Variants in HIPK3 observed in about 807,000 individuals in gnomAD.
HIPK3 encodes the protein homeodomain-interacting protein kinase 3.
A neutral mutation model predicts 124.2 loss-of-function variants in HIPK3; 47 were observed. The observed-to-expected ratio is 0.38, with a 90% confidence interval of 0.30 to 0.48. The LOEUF is 0.48. HIPK3 is among the 20% of genes least tolerant of loss of function. HIPK3 has a pLI of 0.98. For synonymous variants in HIPK3, 482 were observed against 515.2 expected (o/e 0.94, Z 0.87); for missense variants, 1,286 against 1,454.3 (o/e 0.88, Z 1.88).
In HIPK3 at chr11:33,287,068, G is replaced by T. The variant is rs376935843; in HGVS notation, c.654G>T (p.Gly218=). The change falls in exon 2 of 17, where the codon GGG becomes GGT. Residue 218 remains glycine (G), a synonymous_variant. Transcript: ENST00000303296. The part of the protein sequence containing the change: ...FGQVVKCWKR[G]TNEIVAIKIL... ...AGGTAGTTAAATGCTGGAAAAGAGG[G>T]ACAAATGAAATTGTAGCAATCAAAA... 5.2e-5 allele frequency: 84 copies of T among 1,614,146 alleles called. 1 individual carries two copies. In the South Asian group the frequency reaches 8.1e-4, roughly 16 times the overall value.
At chr11:33,307,101 G>A (rs1782253087) in intron 2 of HIPK3, among the ~76,000 whole-genome samples, 1 of 152,014 alleles carries the variant, frequency 6.6e-6, no homozygotes, top group African/African-American at 2.4e-5. Flanking sequence ...ACCATGCCTG[G>A]CTAATTTTTG....
Position 33,348,873 on chromosome 11 carries a change from C to T in HIPK3, c.2666+55C>T, listed in dbSNP as rs181531823. On this transcript the variant is annotated intron_variant, in intron 13 of 16. Transcript: ENST00000303296. ...ATATAGATGGCATCCTTTGGTGTGC[C>T]GAAAAACAACTTTCTGTGACTTATT... 693 of 1,483,962 alleles carry T rather than the reference C, an allele frequency of 4.7e-4. 5 individuals carry two copies. The highest frequency in any genetic ancestry group is 4.8e-5 in the Non-Finnish European group (52 of 1,093,394). 91.9% of individuals were successfully genotyped at this position (1,483,962 alleles called of 1,614,324 possible). A position where few individuals can be genotyped will look rare whatever the true frequency, so the allele number is the denominator to read the frequency against.
intron 8 of HIPK3, 78 bp from the exon 9 acceptor site, chr11:33,347,215 C>T: frequency 7.4e-7 from 1 of 1,349,758 alleles, no homozygotes; most frequent in Admixed American, 2.3e-5. Context: ...CTAAGCAATT[C>T]TTGACATTTA....
intron 2 of HIPK3, among the ~76,000 whole-genome samples, chr11:33,304,819 AAGCATATGT>A (rs1427864528): frequency 1.3e-5 from 2 of 152,160 alleles, no homozygotes; most frequent in East Asian, 3.9e-4. Context: ...TGTTAGGTCA[AAGCATATGT>A]ACCTTTTGAC....
intron 1 of HIPK3, chr11:33,258,236 G>T: frequency 1.0e-5 from 6 of 573,412 alleles, no homozygotes; most frequent in Non-Finnish European, 1.3e-5. Flanking sequence ...GTTGCGCAAC[G>T]GCTCTTCCCA....
chr11:33,316,882 C>G (rs1852518546), intron 2 of HIPK3, among the ~76,000 whole-genome samples: 1 of 152,140 alleles, frequency 6.6e-6, no homozygotes, highest in Non-Finnish European at 1.5e-5. Context: ...AAATAAGATT[C>G]ACTTAAGATC....
intron 1 of HIPK3, among the ~76,000 whole-genome samples, chr11:33,265,962 T>C (rs1850948697): frequency 6.8e-6 from 1 of 147,182 alleles, no homozygotes; most frequent in Non-Finnish European, 1.5e-5. Flanking sequence ...TGGGCACCTG[T>C]AGTCCCAGCT....
In HIPK3 at chr11:33,299,753, C is replaced by T. The variant is rs1851941075; in HGVS notation, c.1097+12242C>T. 2.6e-5 allele frequency among the ~76,000 whole-genome samples: 4 copies of T among 152,116 alleles called. No homozygotes were observed. In the South Asian group the frequency reaches 8.3e-4, roughly 32 times the overall value. On this transcript the variant is annotated intron_variant, in intron 2 of 16. Coordinates refer to ENST00000303296, the MANE Select transcript of HIPK3 (RefSeq NM_005734.5). ...TCTTTGAGACATCGTTGGCCAGGTGCAGTGGCTCACGCCTGTTATCCTAGC... is the reference window on the plus strand; with the variant it reads ...TCTTTGAGACATCGTTGGCCAGGTGTAGTGGCTCACGCCTGTTATCCTAGC...
At chr11:33,322,118 G>A (rs893779229) in intron 2 of HIPK3, among the ~76,000 whole-genome samples, 2 of 152,100 alleles carry the variant, frequency 1.3e-5, no homozygotes, top group Non-Finnish European at 2.9e-5. Context: ...TCCTGCCTCA[G>A]CCTCCCGAGT....
intron 1 of HIPK3, among the ~76,000 whole-genome samples, chr11:33,268,031 T>C (rs1345424379): frequency 6.6e-6 from 1 of 150,942 alleles, no homozygotes; most frequent in East Asian, 2.0e-4. Flanking sequence ...ACCAACATGG[T>C]GAAACCCCAT....
intron 14 of HIPK3, among the ~76,000 whole-genome samples, 153 bp downstream of exon 14, chr11:33,349,440 G>GGTTT (rs200722435): frequency 4.7e-4 from 72 of 152,100 alleles, no homozygotes; most frequent in Non-Finnish European, 8.2e-4. Context: ...TATAAACACA[G>GGTTT]GTTTGTTTGT....
At chr11:33,258,486 G>C in intron 1 of HIPK3, 1 of 985,418 alleles carries the variant, frequency 1.0e-6, no homozygotes, top group African/African-American at 1.7e-5. Flanking sequence ...TGTGATTGTT[G>C]GGGAGGAGAA....
upstream of HIPK3, chr11:33,257,282 CCGGGCTGGGCGCGCAGCGCTGCCGGG>C: frequency 1.0e-5 from 10 of 983,364 alleles, no homozygotes; most frequent in Non-Finnish European, 1.2e-5. Context: ...GCGGAGCCGC[CCGGGCTGGGCGCGCAGCGCTGCCGGG>C]CGGGCGGTGG....
intron 2 of HIPK3, among the ~76,000 whole-genome samples, chr11:33,321,099 G>A (rs936489006): frequency 3.3e-5 from 5 of 152,144 alleles, no homozygotes; most frequent in African/African-American, 1.2e-4. Context: ...ATCTGAAAAG[G>A]GTGTGCTAGT....
chr11:33,313,949 C>T (rs1305284253), intron 2 of HIPK3, among the ~76,000 whole-genome samples: 1 of 151,922 alleles, frequency 6.6e-6, no homozygotes, highest in Non-Finnish European at 1.5e-5. Flanking sequence ...CTCATGCAAT[C>T]CTCCTGCCTC....
At chr11:33,288,703 C>G (rs1335803492) in intron 2 of HIPK3, among the ~76,000 whole-genome samples, 1 of 152,156 alleles carries the variant, frequency 6.6e-6, no homozygotes, top group Non-Finnish European at 1.5e-5. Context: ...TACCAAGATT[C>G]AGAATACTGA....
In HIPK3 at chr11:33,299,358, G is replaced by A. The variant is rs374617590; in HGVS notation, c.1097+11847G>A. 8.6e-5 allele frequency among the ~76,000 whole-genome samples: 13 copies of A among 151,938 alleles called. No individual in the cohort carries two copies. The East Asian group carries it at 1.8e-3, about 21-fold the overall frequency. ...ACAGTGGCAGGTGCCTGTAATCTCA[G>A]CTACTCGGGAGGCTGAGGCAGGAGA... On this transcript the variant is annotated intron_variant, in intron 2 of 16. Transcript: ENST00000303296.
chr11:33,318,901 T>G (rs1239303352), intron 2 of HIPK3, among the ~76,000 whole-genome samples: 1 of 152,240 alleles, frequency 6.6e-6, no homozygotes, highest in Non-Finnish European at 1.5e-5. Context: ...CCTGTGTTTC[T>G]TTGAATCAAA....
intron 1 of HIPK3, among the ~76,000 whole-genome samples, chr11:33,268,812 T>A (rs1195586677): frequency 6.6e-6 from 1 of 152,056 alleles, no homozygotes; most frequent in African/African-American, 2.4e-5. Flanking sequence ...GAAATCTCCT[T>A]AAAGTATCTT....
Sources: gnomAD v4.1 joint callset for allele counts (sites outside exome capture counted in the v4.1 genomes callset) on GRCh38, gnomAD v4.1.1 for gene constraint, MANE v1.5 for transcripts, NCBI Gene and HGNC (gene_info 2026-07-23, HGNC 2026-07-21) for gene names.